Variants in KLHL18 observed in about 807,000 individuals in gnomAD.
KLHL18 encodes kelch like family member 18, also known as kelch-like protein 18.
Under a neutral mutation model 58.5 loss-of-function variants are expected in KLHL18, and 38 were observed. The ratio of observed to expected loss-of-function variants is 0.65; its 90% CI spans 0.50 to 0.85. The LOEUF (loss-of-function observed/expected upper bound fraction) is 0.85, where lower values mean the gene tolerates loss of function less well. Among genes scored for constraint, KLHL18 ranks in the 40% least tolerant of loss-of-function variants. The pLI is 0.00. For synonymous variants in KLHL18, 303 were observed against 301.9 expected (o/e 1.00, Z -0.04); for missense variants, 624 against 778.4 (o/e 0.80, Z 2.36).
rs779724356 is a variant in KLHL18 at position 47,283,002 on chromosome 3, G to C, written c.37G>C (p.Val13Leu). 1 of 1,611,284 alleles carries C rather than the reference G, an allele frequency of 6.2e-7. No individual in the cohort carries two copies. ...EDGAEELEDL[V>L]HFSVSELPSR... ...CGGCGCGGAGGAGCTGGAGGATCTG[G>C]TGCACTTCTCCGTGTCTGAGTTGCC... Residue 13 changes from valine to leucine, a missense_variant, in exon 1 of 10, where the codon GTG (valine) becomes CTG (leucine). Val to Leu is a conservative substitution (Grantham distance 32). Coordinates refer to ENST00000232766, the MANE Select transcript of KLHL18 (RefSeq NM_025010.5).
chr3:47,316,661 A>G (rs566346173), intron 1 of KLHL18, among the ~76,000 whole-genome samples: 2 of 140,984 alleles, frequency 1.4e-5, no homozygotes. Flanking sequence ...GTATATATAC[A>G]TATATACGTA....
intron 1 of KLHL18, among the ~76,000 whole-genome samples, chr3:47,303,788 T>A (rs1703077306): frequency 6.6e-6 from 1 of 152,214 alleles, no homozygotes; most frequent in South Asian, 2.1e-4. Flanking sequence ...ACATGGCCTC[T>A]CTGTCACCTA....
In KLHL18 at chr3:47,343,660, T is replaced by G; in HGVS notation, c.1444T>G (p.Cys482Gly). 1 of 1,614,126 alleles carries G rather than the reference T, an allele frequency of 6.2e-7. No individual in the cohort carries two copies. The highest frequency in any genetic ancestry group is 8.5e-7 in the Non-Finnish European group (1 of 1,180,024). The change falls in exon 10 of 10, where the codon TGC (cysteine) becomes GGC (glycine). Residue 482 changes from cysteine (C) to glycine (G), a missense_variant. Cys to Gly is a radical substitution (Grantham distance 159, BLOSUM62 -3). Transcript: ENST00000232766. ...CTCCCTGGGGAGCAAGATGTTTGTC[T>G]GCGGGGGCTACGATGGCTCTGGCTT... ...AASLGSKMFV[C>G]GGYDGSGFLS... is the part of the protein sequence containing the mutation.
rs1016467643 is a variant in KLHL18, at chr3:47,305,600, G to A, written c.130-14053G>A. Reference sequence around the variant, plus strand: ...GTTTTATACTGTCTGTCTAGTTTTGGTACTAGGGTAATACTGCATAAAATG... The same window carrying A: ...GTTTTATACTGTCTGTCTAGTTTTGATACTAGGGTAATACTGCATAAAATG... On this transcript the variant is annotated intron_variant, in intron 1 of 9. Coordinates refer to ENST00000232766, the MANE Select transcript of KLHL18 (RefSeq NM_025010.5). Among the ~76,000 whole-genome samples, 3 of 151,966 alleles carry A rather than the reference G, an allele frequency of 2.0e-5. No individual in the cohort carries two copies. In the East Asian group the frequency reaches 5.8e-4, roughly 29 times the overall value.
chr3:47,305,348 T>G (rs1198527328), intron 1 of KLHL18, among the ~76,000 whole-genome samples: 1 of 149,826 alleles, frequency 6.7e-6, no homozygotes, highest in Non-Finnish European at 1.5e-5. Context: ...TTTTTTTTTT[T>G]TTTTTTTTTG....
chr3:47,340,543 A>G, intron 7 of KLHL18, 29 bp from the exon 8 acceptor site: 2 of 1,613,768 alleles, frequency 1.2e-6, no homozygotes, highest in South Asian at 2.2e-5. Flanking sequence ...GCTGCGGCTC[A>G]TCTGGGATGA....
chr3:47,300,093 C>A (rs1702983220), intron 1 of KLHL18, among the ~76,000 whole-genome samples: 1 of 150,946 alleles, frequency 6.6e-6, no homozygotes, highest in African/African-American at 2.4e-5. Context: ...TGTCCTCTTT[C>A]CCTTCTCCAT....
At chr3:47,307,541 CTT>C (rs58081377) in intron 1 of KLHL18, among the ~76,000 whole-genome samples, 7 of 143,524 alleles carry the variant, frequency 4.9e-5, no homozygotes, top group Non-Finnish European at 4.6e-5. Context: ...GATTTTTCTT[CTT>C]TTTTTTTTTT....
At chr3:47,319,556 T>C in intron 1 of KLHL18, 97 bp from the exon 2 acceptor site, 1 of 1,363,992 alleles carries the variant, frequency 7.3e-7, no homozygotes, top group East Asian at 2.3e-5. Context: ...TGGGGTATGC[T>C]GTGGAGCCGG....
chr3:47,334,794 C>T lies in KLHL18; in HGVS notation c.873C>T (p.Tyr291=), dbSNP rs201896357. 39 of 1,613,932 alleles carry T rather than the reference C, an allele frequency of 2.4e-5. No homozygotes were observed. In the East Asian group the frequency reaches 4.9e-4, roughly 20 times the overall value. Residue 291 remains tyrosine, a synonymous_variant, in exon 6 of 10, where the codon TAC becomes TAT. Transcript: ENST00000232766. This position sits in a 1 kb window ranked among gnomAD's most constrained non-coding sequence, Gnocchi z 4.7. ...RCCTSIAGLI[Y]AVGGLNSAGD... ...GCACATCCATCGCTGGACTTATCTA[C>T]GCTGTAGGGGGCCTCAACTCAGCAG...
In KLHL18 at chr3:47,344,296, T is replaced by C. The variant is rs1704179768; in HGVS notation, c.*355T>C. On this transcript the variant is annotated 3_prime_UTR_variant, in exon 10 of 10. Transcript: ENST00000232766. ...AAGGCCTTCCATCTGATGCTCCCCA[T>C]CGCCTGCTTGCTCTCCAGCCGAGTC... 3.3e-6 allele frequency: 1 copy of C among 306,802 alleles called. No homozygotes were observed. Among genetic ancestry groups the C allele is most frequent in the African/African-American group, 2.2e-5 (1 of 45,000 alleles). 19.0% of individuals were successfully genotyped at this position (306,802 alleles called of 1,614,324 possible). A position where few individuals can be genotyped will look rare whatever the true frequency, so the allele number is the denominator to read the frequency against.
intron 3 of KLHL18, among the ~76,000 whole-genome samples, chr3:47,324,176 T>A (rs1415949331): frequency 6.6e-6 from 1 of 151,932 alleles, no homozygotes; most frequent in African/African-American, 2.4e-5. Flanking sequence ...TATGGAGATG[T>A]GAGGAGCACA....
intron 1 of KLHL18, among the ~76,000 whole-genome samples, chr3:47,307,541 CT>C (rs58081377): frequency 2.3e-3 from 336 of 143,282 alleles, no homozygotes; most frequent in Admixed American, 4.0e-3. Context: ...GATTTTTCTT[CT>C]TTTTTTTTTT....
rs1702513682 is a variant in KLHL18, at chr3:47,283,164, C to T, written c.129+70C>T. The T allele has an allele frequency of 7.4e-6, 9 of 1,208,082 alleles. No individual in the cohort carries two copies. In the South Asian group the frequency reaches 7.7e-5, roughly 10 times the overall value. The allele number at this position is 1,208,082 out of a possible 1,614,324, so 74.8% of individuals were successfully genotyped here. A position where few individuals can be genotyped will look rare whatever the true frequency, so the allele number is the denominator to read the frequency against. On this transcript the variant is annotated intron_variant, in intron 1 of 9. Coordinates refer to ENST00000232766, the MANE Select transcript of KLHL18 (RefSeq NM_025010.5). ...GCGGGGAGTAAAAAGGGGCGGGGGA[C>T]AGAGAAAGAGAGGTCTAGCAGGGAG...
At chr3:47,295,334 C>T (rs1184390957) in intron 1 of KLHL18, among the ~76,000 whole-genome samples, 1 of 152,072 alleles carries the variant, frequency 6.6e-6, no homozygotes, top group Non-Finnish European at 1.5e-5. Flanking sequence ...AGATGTGGCC[C>T]CTCTCTGCTA....
intron 1 of KLHL18, among the ~76,000 whole-genome samples, chr3:47,284,359 C>T (rs1421631319): frequency 8.8e-6 from 1 of 113,594 alleles, no homozygotes; most frequent in Non-Finnish European, 1.8e-5. Context: ...TTTTTTGAGA[C>T]GGAGTCTCGT....
intron 1 of KLHL18, among the ~76,000 whole-genome samples, chr3:47,308,216 C>CTT (rs398062309): frequency 5.6e-5 from 8 of 142,518 alleles, no homozygotes; most frequent in African/African-American, 2.0e-4. Context: ...CTTAACTGTT[C>CTT]TTTTTTTTTT....
At chr3:47,299,555 T>G (rs1451943489) in intron 1 of KLHL18, among the ~76,000 whole-genome samples, 1 of 150,128 alleles carries the variant, frequency 6.7e-6, no homozygotes, top group Non-Finnish European at 1.5e-5. Context: ...CTGGGCGCAG[T>G]GGCTCACTCC....
At chr3:47,333,524 T>A (rs1479170856) in intron 5 of KLHL18, among the ~76,000 whole-genome samples, 3 of 152,196 alleles carry the variant, frequency 2.0e-5, no homozygotes, top group Non-Finnish European at 4.4e-5. Context: ...ATGTGCCATG[T>A]GGGAGCATCA....
Sources: allele counts gnomAD v4.1 joint callset (sites outside exome capture counted in the v4.1 genomes callset), GRCh38; gene constraint gnomAD v4.1.1; non-coding constraint Gnocchi (gnomAD v3.1); transcripts MANE v1.5; gene names NCBI Gene and HGNC (gene_info 2026-07-23, HGNC 2026-07-21).